The following PBX3 variants were observed in gnomAD, a reference collection of about 807,000 sequenced individuals.
PBX3 encodes PBX homeobox 3.
In PBX3, 14 loss-of-function variants were observed where a neutral mutation model predicts 48.5. The observed-to-expected ratio is 0.29, with a 90% CI of 0.19 to 0.45. The LOEUF (loss-of-function observed/expected upper bound fraction) is 0.45, where lower values mean the gene tolerates loss of function less well. Among genes scored for constraint, PBX3 ranks in the 20% least tolerant of loss-of-function variants. PBX3 has a pLI of 1.00. For synonymous variants in PBX3, 210 were observed against 200.3 expected (o/e 1.05, Z -0.41); for missense variants, 386 against 546.7 (o/e 0.71, Z 2.93).
intron 2 of PBX3, among the ~76,000 whole-genome samples, chr9:125,861,296 C>T (rs1839857686): frequency 6.7e-6 from 1 of 149,914 alleles, no homozygotes; most frequent in South Asian, 2.1e-4. Context: ...GAGACCCTGT[C>T]TCCAAATAAT....
At chr9:125,765,730 T>G (rs185265502) in intron 2 of PBX3, among the ~76,000 whole-genome samples, 1 of 152,302 alleles carries the variant, frequency 6.6e-6, no homozygotes, top group East Asian at 1.9e-4. Flanking sequence ...CAATTATCAC[T>G]ATTTTTTGTT....
chr9:125,888,386 G>A (rs10121603), intron 2 of PBX3, among the ~76,000 whole-genome samples: 1,874 of 152,178 alleles, frequency 0.012, 25 homozygotes, highest in African/African-American at 0.036. Context: ...AGACAAATAC[G>A]TGTAAGGTTA....
chr9:125,917,847 C>T (rs2132474377), intron 3 of PBX3, among the ~76,000 whole-genome samples: 1 of 152,152 alleles, frequency 6.6e-6, no homozygotes, highest in East Asian at 1.9e-4. Flanking sequence ...TATGTCTAGT[C>T]TCATTTGTAA....
In PBX3 at chr9:125,962,146, A is replaced by G; in HGVS notation, c.1054A>G (p.Met352Val). ...FNLPNSGDMF[M>V]NMQSLNGDSY... ...CCTCCCAAATTCTGGGGACATGTTC[A>G]TGAACATGCAGAGTCTGAATGGGGA... Residue 352 changes from methionine to valine, a missense_variant, in exon 7 of 9, where the codon ATG becomes GTG. Around this residue, in one of 4 missense-constraint regions of PBX3, gnomAD observed 127 missense variants for 143.3 expected, o/e 0.89. Transcript: ENST00000373489. The G allele has an allele frequency of 6.2e-7, 1 of 1,613,332 alleles. No individual in the cohort carries two copies. Among genetic ancestry groups the G allele is most frequent in the South Asian group, 1.1e-5 (1 of 90,994 alleles).
At chr9:125,780,776 G>A (rs1588139933) in intron 2 of PBX3, among the ~76,000 whole-genome samples, 1 of 131,232 alleles carries the variant, frequency 7.6e-6, no homozygotes, top group African/African-American at 2.9e-5. Flanking sequence ...GCGGGGGGCT[G>A]ACCCCCCCAC....
chr9:125,872,577 A>T (rs1464279411), intron 2 of PBX3, among the ~76,000 whole-genome samples: 1 of 151,934 alleles, frequency 6.6e-6, no homozygotes, highest in African/African-American at 2.4e-5. Flanking sequence ...TGGGCAACAT[A>T]GCGAGACCCC....
chr9:125,959,886 G>GT (rs1192608036), intron 5 of PBX3, among the ~76,000 whole-genome samples: 54 of 152,306 alleles, frequency 3.5e-4, no homozygotes, highest in African/African-American at 1.3e-3. Context: ...ACAGGTGCCT[G>GT]AATACATTGT....
chr9:125,781,910 CT>C (rs1469752217), intron 2 of PBX3, among the ~76,000 whole-genome samples: 1 of 151,724 alleles, frequency 6.6e-6, no homozygotes, highest in Non-Finnish European at 1.5e-5. Context: ...TGTCCTATAC[CT>C]TTTTGTTCCT....
chr9:125,925,267 A>T (rs1304176132), intron 3 of PBX3, among the ~76,000 whole-genome samples: 1 of 152,180 alleles, frequency 6.6e-6, no homozygotes, highest in Non-Finnish European at 1.5e-5. Flanking sequence ...ATATTGGTCC[A>T]CAAGATGCCG....
At chr9:125,868,067 G>A (rs1840032503) in intron 2 of PBX3, among the ~76,000 whole-genome samples, 1 of 151,940 alleles carries the variant, frequency 6.6e-6, no homozygotes, top group East Asian at 1.9e-4. Context: ...TAGAGACAGG[G>A]TCTCACAATG....
chr9:125,934,248 T>C (rs1405765863), intron 4 of PBX3, among the ~76,000 whole-genome samples: 1 of 152,178 alleles, frequency 6.6e-6, no homozygotes, highest in Non-Finnish European at 1.5e-5. Flanking sequence ...GTAGATCACA[T>C]ACTTAACCTG....
chr9:125,959,958 T>C (rs1470646614), intron 5 of PBX3, among the ~76,000 whole-genome samples: 3 of 152,230 alleles, frequency 2.0e-5, no homozygotes, highest in Non-Finnish European at 4.4e-5. Flanking sequence ...GAAATCTGCC[T>C]ATTGCCAAGA....
At position 125,899,452 on chromosome 9, in the gene PBX3, TATAG is replaced by T. The variant is rs1292792301; in HGVS notation, c.275-16232_275-16229del. Among the ~76,000 whole-genome samples the T allele has an allele frequency of 8.2e-3, 726 of 89,056 alleles. 34 individuals carry two copies. Among genetic ancestry groups the T allele is most frequent in the African/African-American group, 0.022 (530 of 24,296 alleles). 58.4% of individuals were successfully genotyped at this position (89,056 alleles called of 152,430 possible). A position where few individuals can be genotyped will look rare whatever the true frequency, so the allele number is the denominator to read the frequency against. On this transcript the variant is annotated intron_variant, in intron 2 of 8. Transcript: ENST00000373489. ...CTATATATATGTGTGTATATATATATATAGAGAGAGAGAGAGAGAGAGAGAGAGA... is the reference window on the plus strand; with the variant it reads ...CTATATATATGTGTGTATATATATATAGAGAGAGAGAGAGAGAGAGAGAGA...
chr9:125,828,733 G>A (rs922533121), intron 2 of PBX3, among the ~76,000 whole-genome samples: 4 of 152,190 alleles, frequency 2.6e-5, no homozygotes, highest in African/African-American at 9.6e-5. Context: ...TTGGTAATAT[G>A]TTTAGAATGT....
At chr9:125,836,190 A>C (rs756455574) in intron 2 of PBX3, among the ~76,000 whole-genome samples, 14 of 152,198 alleles carry the variant, frequency 9.2e-5, no homozygotes, top group Non-Finnish European at 1.8e-4. Flanking sequence ...TCACGCCTGT[A>C]ATCCAAGCAC....
chr9:125,862,620 C>G (rs763713979), intron 2 of PBX3, among the ~76,000 whole-genome samples: 1 of 152,008 alleles, frequency 6.6e-6, no homozygotes, highest in Non-Finnish European at 1.5e-5. Context: ...CTCCTGACCT[C>G]GTGATCAGCC....
chr9:125,962,888 T>C (rs778711068), intron 7 of PBX3, 124 bp from the exon 8 acceptor site: 1 of 457,272 alleles, frequency 2.2e-6, no homozygotes, highest in Non-Finnish European at 4.0e-6. Context: ...ATTTGATTGA[T>C]AAATTTGTCT....
intron 2 of PBX3, among the ~76,000 whole-genome samples, chr9:125,911,832 C>G (rs1238554083): frequency 6.6e-6 from 1 of 152,132 alleles, no homozygotes; most frequent in Non-Finnish European, 1.5e-5. Flanking sequence ...ATAATGTACT[C>G]TTTACTAAGT....
chr9:125,773,921 A>G (rs1837005744), intron 2 of PBX3, among the ~76,000 whole-genome samples: 1 of 152,220 alleles, frequency 6.6e-6, no homozygotes, highest in African/African-American at 2.4e-5. Flanking sequence ...TAGTACATTC[A>G]CATTGTTGTA....
Sources: allele counts gnomAD v4.1 joint callset (sites outside exome capture counted in the v4.1 genomes callset), GRCh38; gene constraint gnomAD v4.1.1; regional missense constraint gnomAD v4.1.1; transcripts MANE v1.5; gene names NCBI Gene and HGNC (gene_info 2026-07-23, HGNC 2026-07-21).